The following CES3 variants were observed in gnomAD, a reference collection of about 807,000 sequenced individuals.
The protein encoded by CES3 is carboxylesterase 3.
A neutral mutation model predicts 57.6 loss-of-function variants in CES3; 49 were observed. The ratio of observed to expected loss-of-function variants is 0.85; its 90% CI spans 0.68 to 1.08. CES3 has a LOEUF of 1.08. Ranked by LOEUF, CES3 falls within the 50% of genes least tolerant of loss-of-function variation. The pLI, the probability that CES3 is intolerant of heterozygous loss-of-function variation, is 0.00. For missense variants in CES3, 645 were observed against 742.0 expected (o/e 0.87, Z 1.52); for synonymous variants, 266 against 281.6 (o/e 0.94, Z 0.55).
Position 66,972,978 on chromosome 16 carries a change from G to A in CES3, c.1645G>A (p.Glu549Lys). 6.2e-7 allele frequency: 1 copy of A among 1,614,132 alleles called. No homozygotes were observed. Among genetic ancestry groups the A allele is most frequent in the Non-Finnish European group, 8.5e-7 (1 of 1,180,046 alleles). ...GGAGGCCTGGATGCAGTTCTGGTCA[G>A]AGACGCTCCCCAGCAAGATACAACA... The part of the protein sequence containing the change: ...FREAWMQFWS[E>K]TLPSKIQQWH... The change falls in exon 13 of 13, where the codon GAG becomes AAG. Residue 549 changes from glutamate (E) to lysine (K), a missense_variant. Coordinates refer to ENST00000303334, the MANE Select transcript of CES3 (RefSeq NM_024922.6).
chr16:66,963,051 C>T lies in CES3; in HGVS notation c.83-128C>T, dbSNP rs190295993. The T allele has an allele frequency of 8.1e-4, 813 of 1,000,492 alleles. 4 individuals carry two copies. Among genetic ancestry groups the T allele is most frequent in the Middle Eastern group, 3.2e-3 (16 of 4,944 alleles). 62.0% of individuals were successfully genotyped at this position (1,000,492 alleles called of 1,614,324 possible). A position where few individuals can be genotyped will look rare whatever the true frequency, so the allele number is the denominator to read the frequency against. On this transcript the variant is annotated intron_variant, in intron 1 of 12. Transcript: ENST00000303334. The surrounding 1 kb of genome is among the most constrained non-coding windows in gnomAD (Gnocchi z 4.9). The stretch of plus-strand genomic sequence containing the variant: ...GGCGTCAACCTAAGACCAGGCTCAC[C>T]GGCTTGCTGGGAAGGTTACCAAGAT...
intron 9 of CES3, 71 bp from the exon 10 acceptor site, chr16:66,971,101 T>C (rs1963823765): frequency 2.0e-6 from 3 of 1,520,852 alleles, no homozygotes; most frequent in Non-Finnish European, 1.8e-6. Flanking sequence ...GCTGGAGAGT[T>C]TGGGGCTTCC....
At chr16:66,961,597 C>T (rs534846892) in intron 1 of CES3, among the ~76,000 whole-genome samples, 1 of 152,112 alleles carries the variant, frequency 6.6e-6, no homozygotes, top group East Asian at 1.9e-4. Flanking sequence ...GAGTTTTGCT[C>T]TTGTTACCCA....
chr16:66,969,817 T>G, intron 9 of CES3, 58 bp downstream of exon 9: 2 of 1,469,874 alleles, frequency 1.4e-6, no homozygotes, highest in Non-Finnish European at 1.9e-6. Context: ...CTAGTGGGTA[T>G]CCCATCCAAC....
At chr16:66,966,385 C>T in intron 7 of CES3, 40 bp downstream of exon 7, 1 of 1,585,332 alleles carries the variant, frequency 6.3e-7, no homozygotes, top group Non-Finnish European at 8.6e-7. Flanking sequence ...GGCAATGGCA[C>T]AGAGGGGGTT....
rs368863560 is a variant in CES3 at position 66,966,904 on chromosome 16, C to T, written c.1062+39C>T. 12 of 1,611,092 alleles carry T rather than the reference C, an allele frequency of 7.4e-6. No homozygotes were observed. The East Asian group carries it at 1.3e-4, about 18-fold the overall frequency. On this transcript the variant is annotated intron_variant, in intron 8 of 12. Coordinates refer to ENST00000303334, the MANE Select transcript of CES3 (RefSeq NM_024922.6). ...ACCCCTGTGCCCTTCAAGGCCCTGC[C>T]CCAGCCAGTACCTGCCACCCCAGCA...
At position 66,966,223 on chromosome 16, in the gene CES3, G is replaced by T; in HGVS notation, c.820-21G>T. ...GGCTGAGTGGCTGAGAGGGAGGCAT[G>T]ACTCTTTCATTTGTCCCCAGAAAAT... On this transcript the variant is annotated intron_variant, in intron 6 of 12. Transcript: ENST00000303334. 4 of 1,609,410 alleles carry T rather than the reference G, an allele frequency of 2.5e-6. No homozygotes were observed. In the South Asian group the frequency reaches 4.4e-5, roughly 18 times the overall value.
In CES3 at chr16:66,972,975, T is replaced by G. The variant is rs1567559128; in HGVS notation, c.1642T>G (p.Ser548Ala). ...CAGGGAGGCCTGGATGCAGTTCTGG[T>G]CAGAGACGCTCCCCAGCAAGATACA... The part of the protein sequence containing the change: ...KFREAWMQFW[S>A]ETLPSKIQQW... The change falls in exon 13 of 13, where the codon TCA (serine) becomes GCA (alanine). Residue 548 changes from serine to alanine, a missense_variant. By Grantham distance (99) the Ser-to-Ala change is moderately conservative. Transcript: ENST00000303334. The G allele has an allele frequency of 6.2e-7, 1 of 1,614,056 alleles. No individual in the cohort carries two copies. Among genetic ancestry groups the G allele is most frequent in the Non-Finnish European group, 8.5e-7 (1 of 1,180,026 alleles).
At position 66,963,936 on chromosome 16, in the gene CES3, G is replaced by A. The variant is rs1047344375; in HGVS notation, c.560+1G>A. 1 of 1,612,372 alleles carries A rather than the reference G, an allele frequency of 6.2e-7. No individual in the cohort carries two copies. The highest frequency in any genetic ancestry group is 8.5e-7 in the Non-Finnish European group (1 of 1,178,720). On this transcript the variant is annotated splice_donor_variant, in intron 4 of 12. Transcript: ENST00000303334. LOFTEE classifies it high-confidence loss of function. The surrounding 1 kb of genome is among the most constrained non-coding windows in gnomAD (Gnocchi z 4.9). ...GCCTTGGGGTCCTTGGCTTCTTCAG[G>A]TGAGACGACAGGCATGGCCAGAGCA...
intron 6 of CES3, among the ~76,000 whole-genome samples, chr16:66,965,337 C>G (rs1963714243): frequency 6.6e-6 from 1 of 152,120 alleles, no homozygotes. Context: ...TTGGAGGGAG[C>G]CGTCCTGAAG....
intron 8 of CES3, chr16:66,967,462 A>G (rs1963751260): frequency 2.0e-6 from 2 of 977,296 alleles, no homozygotes; most frequent in South Asian, 4.7e-5. Context: ...ATCAGGCTCT[A>G]TGAGACTGGT....
Position 66,966,792 on chromosome 16 carries a change from A to G in CES3, c.989A>G (p.Lys330Arg). 1 of 1,614,164 alleles carries G rather than the reference A, an allele frequency of 6.2e-7. No individual in the cohort carries two copies. Among genetic ancestry groups the G allele is most frequent in the Non-Finnish European group, 8.5e-7 (1 of 1,180,020 alleles). ...VFPKSPKELLKEKPFHSVPFL... is the reference protein window; with the variant it reads ...VFPKSPKELLREKPFHSVPFL... ...CCCAAAAGCCCCAAGGAACTCCTGAAGGAGAAGCCCTTCCACTCTGTGCCC... is the reference window on the plus strand; with the variant it reads ...CCCAAAAGCCCCAAGGAACTCCTGAGGGAGAAGCCCTTCCACTCTGTGCCC... Residue 330 changes from lysine to arginine, a missense_variant, in exon 8 of 13, where the codon AAG becomes AGG. Transcript: ENST00000303334.
rs369272818 is a variant in CES3, at chr16:66,970,109, GTT to G, written c.1143+366_1143+367del. 4.2e-3 allele frequency among the ~76,000 whole-genome samples: 541 copies of G among 127,938 alleles called. 5 individuals are homozygous for G. The highest frequency in any genetic ancestry group is 0.014 in the African/African-American group (470 of 32,522). 83.9% of individuals were successfully genotyped at this position (127,938 alleles called of 152,430 possible). On this transcript the variant is annotated intron_variant, in intron 9 of 12. Transcript: ENST00000303334. ...TGTTTTCTTTTCTTTTCTTTTCTTT[GTT>G]TTTTTTTTTTTTTTTGAGACAGAGT... is the stretch of plus-strand genomic sequence containing the variant.
chr16:66,970,449 A>G (rs979082589), intron 9 of CES3, among the ~76,000 whole-genome samples: 1 of 152,182 alleles, frequency 6.6e-6, no homozygotes, highest in Non-Finnish European at 1.5e-5. Context: ...GCCCCATTTT[A>G]CACATGAGGA....
At position 66,964,428 on chromosome 16, in the gene CES3, A is replaced by T; in HGVS notation, c.632A>T (p.Glu211Val). 6.2e-7 allele frequency: 1 copy of T among 1,614,130 alleles called. No individual in the cohort carries two copies. The highest frequency in any genetic ancestry group is 8.5e-7 in the Non-Finnish European group (1 of 1,180,000). ...GTAGCTGCTTTGCGCTGGGTGCAAG[A>T]AAACATCGCCCCCTTCGGGGGTGAC... ...DVVAALRWVQENIAPFGGDLN... is the reference protein window; with the variant it reads ...DVVAALRWVQVNIAPFGGDLN... Residue 211 changes from glutamate (E) to valine (V), a missense_variant, in exon 5 of 13, where the codon GAA becomes GTA. By Grantham distance (121) the Glu-to-Val change is moderately radical. Coordinates refer to ENST00000303334, the MANE Select transcript of CES3 (RefSeq NM_024922.6).
chr16:66,969,634 A>T, intron 8 of CES3, 45 bp from the exon 9 acceptor site: 1 of 1,579,266 alleles, frequency 6.3e-7, no homozygotes. Context: ...AGTCGGGGTG[A>T]GCCGGTGGTC....
Position 66,966,755 on chromosome 16 carries a change from G to A in CES3, c.952G>A (p.Gly318Ser), listed in dbSNP as rs1335210853. 5 of 1,614,010 alleles carry A rather than the reference G, an allele frequency of 3.1e-6. No homozygotes were observed. The East Asian group carries it at 8.9e-5, about 29-fold the overall frequency. ...TACTATCTATCCTCTCACCGTTGAT[G>A]GCACTGTCTTCCCCAAAAGCCCCAA... ...KNTIYPLTVDGTVFPKSPKEL... is the reference protein window; with the variant it reads ...KNTIYPLTVDSTVFPKSPKEL... The change falls in exon 8 of 13, where the codon GGC becomes AGC. Residue 318 changes from glycine (G) to serine (S), a missense_variant. Coordinates refer to ENST00000303334, the MANE Select transcript of CES3 (RefSeq NM_024922.6).
At position 66,963,210 on chromosome 16, in the gene CES3, C is replaced by A; in HGVS notation, c.114C>A (p.Thr38=). Residue 38 remains threonine, a synonymous_variant, in exon 2 of 13, where the codon ACC becomes ACA. Transcript: ENST00000303334. The surrounding 1 kb of genome is among the most constrained non-coding windows in gnomAD (Gnocchi z 4.9). ...GPEVAQPEVD[T]TLGRVRGRQV... is the part of the protein sequence containing the mutation. ...AAGTTGCTCAGCCTGAAGTAGACACCACCCTGGGTCGTGTGCGAGGCCGGC... is the reference window on the plus strand; with the variant it reads ...AAGTTGCTCAGCCTGAAGTAGACACAACCCTGGGTCGTGTGCGAGGCCGGC... 2 of 1,614,252 alleles carry A rather than the reference C, an allele frequency of 1.2e-6. No homozygotes were observed. Among genetic ancestry groups the A allele is most frequent in the Non-Finnish European group, 1.7e-6 (2 of 1,180,050 alleles).
chr16:66,963,990 C>A lies in CES3; in HGVS notation c.560+55C>A. ...CCTGCACCGGGGAGAGGCCAGCTCA[C>A]CAGAGCAACTGGGGATCTAGGTTGG... On this transcript the variant is annotated intron_variant, in intron 4 of 12. Coordinates refer to ENST00000303334, the MANE Select transcript of CES3 (RefSeq NM_024922.6). The surrounding 1 kb of genome is among the most constrained non-coding windows in gnomAD (Gnocchi z 4.9). The A allele has an allele frequency of 4.4e-6, 7 of 1,590,734 alleles. No homozygotes were observed. The highest frequency in any genetic ancestry group is 6.0e-6 in the Non-Finnish European group (7 of 1,162,338).
Sources: gnomAD v4.1 joint callset for allele counts (sites outside exome capture counted in the v4.1 genomes callset) on GRCh38, gnomAD v4.1.1 for gene constraint, Gnocchi (gnomAD v3.1) non-coding constraint, MANE v1.5 for transcripts, NCBI Gene and HGNC (gene_info 2026-07-23, HGNC 2026-07-21) for gene names.